IMPA2: variants seen among roughly 807,000 people sequenced by gnomAD.
IMPA2 encodes inositol monophosphatase 2.
Under a neutral mutation model 35.1 loss-of-function variants are expected in IMPA2, and 32 were observed. The ratio of observed to expected loss-of-function variants is 0.91; its 90% CI spans 0.69 to 1.23. The LOEUF (loss-of-function observed/expected upper bound fraction) is 1.23, where lower values mean the gene tolerates loss of function less well. Ranked by LOEUF, IMPA2 falls within the 50% of genes most tolerant of loss-of-function variation. IMPA2 has a pLI of 0.00. For missense variants in IMPA2, 334 were observed against 387.6 expected (o/e 0.86, Z 1.16); for synonymous variants, 135 against 160.6 (o/e 0.84, Z 1.20).
intron 5 of IMPA2, among the ~76,000 whole-genome samples, chr18:12,024,921 TATC>T (rs987605831): frequency 4.7e-4 from 71 of 152,128 alleles, no homozygotes; most frequent in African/African-American, 1.6e-3. Flanking sequence ...GACACATTAT[TATC>T]ACCCAAGGTT....
In IMPA2 at chr18:11,999,186, A is replaced by AG. The variant is rs1245786019; in HGVS notation, c.230+1dup. The AG allele has an allele frequency of 1.3e-5, 21 of 1,613,152 alleles. No individual in the cohort carries two copies. The highest frequency in any genetic ancestry group is 1.8e-5 in the Non-Finnish European group (21 of 1,179,438). On this transcript the variant is annotated frameshift_variant and splice_region_variant, in exon 2 of 8. Coordinates refer to ENST00000269159, the MANE Select transcript of IMPA2 (RefSeq NM_014214.3). LOFTEE classifies it high-confidence loss of function. ...GTTGCGAGAGAGGTTTCCTTCACACAGGTAGGTGTACTCCTCTGGGAAACA... is the reference window on the plus strand; with the variant it reads ...GTTGCGAGAGAGGTTTCCTTCACACAGGGTAGGTGTACTCCTCTGGGAAACA...
At chr18:12,017,576 C>T (rs796701830) in intron 5 of IMPA2, 5 of 426,678 alleles carry the variant, frequency 1.2e-5, no homozygotes, top group South Asian at 3.4e-5. Flanking sequence ...CTAGGAAGTA[C>T]GTATTTTTTA....
Position 12,007,649 on chromosome 18 carries a change from T to TTCTTTCTTTCTTTCTTTCTTTCTTTC in IMPA2, c.231-2232_231-2207dup, listed in dbSNP as rs1568032907. 4.7e-5 allele frequency among the ~76,000 whole-genome samples: 5 copies of TTCTTTCTTTCTTTCTTTCTTTCTTTC among 106,746 alleles called. No homozygotes were observed. The East Asian group carries it at 1.1e-3, about 23-fold the overall frequency. 70.0% of individuals were successfully genotyped at this position (106,746 alleles called of 152,430 possible). ...CTTTCTTCTTTCTTTCTTTCTTTCTTTCTTTCTTTCTTTCTTTCTTTCTTT... is the reference window on the plus strand; with the variant it reads ...CTTTCTTCTTTCTTTCTTTCTTTCTTTCTTTCTTTCTTTCTTTCTTTCTTTCTCTTTCTTTCTTTCTTTCTTTCTTT... On this transcript the variant is annotated intron_variant, in intron 2 of 7. Coordinates refer to ENST00000269159, the MANE Select transcript of IMPA2 (RefSeq NM_014214.3).
intron 5 of IMPA2, among the ~76,000 whole-genome samples, chr18:12,016,422 C>A (rs1352182936): frequency 6.6e-6 from 1 of 150,422 alleles, no homozygotes; most frequent in Non-Finnish European, 1.5e-5. Flanking sequence ...CCTGATTCTG[C>A]CGCTTTTTTT....
At chr18:12,013,315 A>G (rs995120868) in intron 4 of IMPA2, among the ~76,000 whole-genome samples, 1 of 152,216 alleles carries the variant, frequency 6.6e-6, no homozygotes, top group Non-Finnish European at 1.5e-5. Context: ...TGACCTGGTC[A>G]TGAGGATTCC....
intron 6 of IMPA2, 144 bp from the exon 7 acceptor site, chr18:12,028,698 A>G: frequency 2.1e-6 from 2 of 952,166 alleles, no homozygotes; most frequent in Non-Finnish European, 3.1e-6. Flanking sequence ...CCCTATATTC[A>G]GCCTCCAGAG....
At chr18:11,985,277 G>A (rs1480283326) in intron 1 of IMPA2, among the ~76,000 whole-genome samples, 1 of 151,544 alleles carries the variant, frequency 6.6e-6, no homozygotes, top group African/African-American at 2.4e-5. Flanking sequence ...CAAATATCAC[G>A]AAATACACAA....
intron 2 of IMPA2, among the ~76,000 whole-genome samples, chr18:12,007,105 G>A (rs1303856669): frequency 1.4e-5 from 2 of 146,334 alleles, no homozygotes; most frequent in Admixed American, 6.6e-5. Flanking sequence ...ACTCCAGCCT[G>A]GGCGACAGGG....
chr18:12,005,259 A>C (rs1173884780), intron 2 of IMPA2, among the ~76,000 whole-genome samples: 1 of 152,194 alleles, frequency 6.6e-6, no homozygotes, highest in Non-Finnish European at 1.5e-5. Flanking sequence ...CTAGGGTATG[A>C]ATGATCAGCT....
intron 5 of IMPA2, among the ~76,000 whole-genome samples, chr18:12,016,425 C>CCT (rs1555646440): frequency 6.0e-5 from 8 of 132,388 alleles, no homozygotes; most frequent in African/African-American, 2.1e-4. Context: ...GATTCTGCCG[C>CCT]TTTTTTTTTT....
chr18:12,026,688 A>G (rs1373615233), intron 5 of IMPA2, among the ~76,000 whole-genome samples: 1 of 152,158 alleles, frequency 6.6e-6, no homozygotes, highest in Admixed American at 6.5e-5. Context: ...TTGGAGGGTA[A>G]GGAATGGAAG....
At chr18:12,011,365 C>T (rs1907429295) in intron 3 of IMPA2, among the ~76,000 whole-genome samples, 1 of 152,218 alleles carries the variant, frequency 6.6e-6, no homozygotes, top group Non-Finnish European at 1.5e-5. Flanking sequence ...ACCCCTGTGC[C>T]CACCAGTGCT....
chr18:11,999,012 G>T, intron 1 of IMPA2, 42 bp from the exon 2 acceptor site: 1 of 1,560,666 alleles, frequency 6.4e-7, no homozygotes, highest in South Asian at 1.2e-5. Flanking sequence ...CTGGGAGGAG[G>T]ATGTTTGCAT....
chr18:12,016,088 T>C (rs1331314922), intron 5 of IMPA2, among the ~76,000 whole-genome samples: 1 of 152,232 alleles, frequency 6.6e-6, no homozygotes, highest in Non-Finnish European at 1.5e-5. Flanking sequence ...CTGAAACTCA[T>C]TTGTGACTTT....
intron 1 of IMPA2, among the ~76,000 whole-genome samples, chr18:11,990,682 C>G (rs368139804): frequency 2.0e-5 from 3 of 152,158 alleles, no homozygotes; most frequent in East Asian, 3.9e-4. Context: ...GTTTCTGGCT[C>G]ATGCAGCTGG....
chr18:11,988,792 G>A (rs1011332042), intron 1 of IMPA2, among the ~76,000 whole-genome samples: 1 of 152,156 alleles, frequency 6.6e-6, no homozygotes, highest in Non-Finnish European at 1.5e-5. Flanking sequence ...AGAGTCGAGT[G>A]TTCTCTTCTG....
At chr18:12,005,457 C>G (rs570690489) in intron 2 of IMPA2, among the ~76,000 whole-genome samples, 1 of 151,442 alleles carries the variant, frequency 6.6e-6, no homozygotes, top group Non-Finnish European at 1.5e-5. Context: ...TGCACTCCAG[C>G]CTGGCTGACA....
intron 1 of IMPA2, among the ~76,000 whole-genome samples, chr18:11,987,836 C>T (rs1906707905): frequency 6.6e-6 from 1 of 152,266 alleles, no homozygotes; most frequent in East Asian, 1.9e-4. Context: ...TTACACTCCA[C>T]CCTGCAGTGT....
At chr18:12,013,277 GC>G (rs1321117942) in intron 4 of IMPA2, among the ~76,000 whole-genome samples, 2 of 152,180 alleles carry the variant, frequency 1.3e-5, no homozygotes, top group African/African-American at 4.8e-5. Flanking sequence ...CTCTTCACAG[GC>G]CTCAGGAACC....
Sources: allele counts gnomAD v4.1 joint callset (sites outside exome capture counted in the v4.1 genomes callset), GRCh38; gene constraint gnomAD v4.1.1; transcripts MANE v1.5; gene names NCBI Gene and HGNC (gene_info 2026-07-23, HGNC 2026-07-21).